The following ACSM3 variants were observed in gnomAD, a reference collection of about 807,000 sequenced individuals.
ACSM3 encodes acyl-coenzyme A synthetase ACSM3, mitochondrial.
A neutral mutation model predicts 74.1 loss-of-function variants in ACSM3; 61 were observed. That is an observed-to-expected ratio of 0.82 (90% confidence interval 0.67 to 1.02). The LOEUF is 1.02. ACSM3 is among the 50% of genes least tolerant of loss of function. The pLI is 0.00. For missense variants in ACSM3, 660 were observed against 697.0 expected (o/e 0.95, Z 0.60); for synonymous variants, 213 against 241.5 (o/e 0.88, Z 1.09).
chr16:20,695,554 G>GTCTATCTA (rs3073746), intron 1 of ACSM3, among the ~76,000 whole-genome samples: 130 of 151,356 alleles, frequency 8.6e-4, no homozygotes, highest in Admixed American at 5.5e-3. Context: ...CTGATTATCT[G>GTCTATCTA]TCTATCTATC....
chr16:20,791,029 C>T lies in ACSM3; in HGVS notation c.1326+341C>T, dbSNP rs547922692. 9 of 1,318,634 alleles carry T rather than the reference C, an allele frequency of 6.8e-6. 1 individual carries two copies. The highest frequency in any genetic ancestry group is 5.9e-5 in the African/African-American group (4 of 67,976). The allele number at this position is 1,318,634 out of a possible 1,614,324, so 81.7% of individuals were successfully genotyped here. On this transcript the variant is annotated intron_variant, in intron 10 of 13. Coordinates refer to ENST00000289416, the MANE Select transcript of ACSM3 (RefSeq NM_005622.4). ...AAATCCAGTTAGTGCTCTTTCTTTT[C>T]GGGAAGAGTGAGAGGGACAGGGGAT...
At chr16:20,690,974 C>A (rs371646055) in intron 1 of ACSM3, 24 of 1,595,620 alleles carry the variant, frequency 1.5e-5, no homozygotes, top group Non-Finnish European at 2.0e-5. Context: ...GTTCTTATAT[C>A]GCCATCACGG....
intron 1 of ACSM3, chr16:20,685,140 C>A: frequency 6.3e-7 from 1 of 1,586,044 alleles, no homozygotes; most frequent in Non-Finnish European, 8.7e-7. Flanking sequence ...TCTCAGGACC[C>A]ATTGGTTCTA....
rs1436023318 is a variant in ACSM3, at chr16:20,781,739, G to A, written c.971G>A (p.Cys324Tyr). 5.6e-6 allele frequency: 9 copies of A among 1,613,544 alleles called. No individual in the cohort carries two copies. Among genetic ancestry groups the A allele is most frequent in the Non-Finnish European group, 7.6e-6 (9 of 1,179,510 alleles). Residue 324 changes from cysteine (C) to tyrosine (Y), a missense_variant, in exon 7 of 14, where the codon TGT (cysteine) becomes TAT (tyrosine). Transcript: ENST00000289416. ...TCCAAGTACCCCATCACAGTCTTCTGTTCAGCACCAACTGTATACCGAATG... is the reference window on the plus strand; with the variant it reads ...TCCAAGTACCCCATCACAGTCTTCTATTCAGCACCAACTGTATACCGAATG... The part of the protein sequence containing the change: ...TLSKYPITVF[C>Y]SAPTVYRMLV...
intron 9 of ACSM3, chr16:20,789,365 C>T (rs369999141): frequency 8.9e-6 from 7 of 784,380 alleles, no homozygotes; most frequent in East Asian, 7.4e-5. Flanking sequence ...AAAGGTTTAG[C>T]ATTAATTACT....
rs563904627 is a variant in ACSM3 at position 20,677,384 on chromosome 16, C to T, written c.-190+2562C>T. Among the ~76,000 whole-genome samples, 20 of 152,286 alleles carry T rather than the reference C, an allele frequency of 1.3e-4. No homozygotes were observed. The South Asian group carries it at 4.1e-3, about 32-fold the overall frequency. ...GGCATCACCCAGTGACATACTTATC[C>T]AGGCAATTAGATTCTGTGGCACTTC... On this transcript the variant is annotated intron_variant, in intron 1 of 3. Coordinates refer to the ACSM3 transcript ENST00000561584.
chr16:20,789,435 A>G, intron 9 of ACSM3: 1 of 1,363,516 alleles, frequency 7.3e-7, no homozygotes, highest in Non-Finnish European at 1.0e-6. Context: ...GGGAATGATG[A>G]GGATTGGAGA....
intron 1 of ACSM3, among the ~76,000 whole-genome samples, chr16:20,691,849 G>A (rs1330049340): frequency 6.6e-6 from 1 of 150,572 alleles, no homozygotes; most frequent in African/African-American, 2.5e-5. Flanking sequence ...CCCTCTGGTG[G>A]AATGCACATT....
chr16:20,710,564 C>T (rs1247654718), intron 1 of ACSM3, among the ~76,000 whole-genome samples: 2 of 151,976 alleles, frequency 1.3e-5, no homozygotes, highest in African/African-American at 2.4e-5. Flanking sequence ...AGGCTGGTCT[C>T]GAAATACTGG....
At position 20,790,152 on chromosome 16, in the gene ACSM3, A is replaced by T. The variant is rs918239210; in HGVS notation, c.1225-435A>T. On this transcript the variant is annotated intron_variant, in intron 9 of 13. Transcript: ENST00000289416. The surrounding 1 kb of genome is among the most constrained non-coding windows in gnomAD (Gnocchi z 4.0). ...TATATTTCTCTTAGGAATTTAAAGTATATTTAAAATATTTTTGGGCCAGGT... is the reference window on the plus strand; with the variant it reads ...TATATTTCTCTTAGGAATTTAAAGTTTATTTAAAATATTTTTGGGCCAGGT... Among the ~76,000 whole-genome samples the T allele has an allele frequency of 6.6e-6, 1 of 152,114 alleles. No individual in the cohort carries two copies. The highest frequency in any genetic ancestry group is 1.9e-4 in the East Asian group (1 of 5,196).
intron 1 of ACSM3, among the ~76,000 whole-genome samples, chr16:20,714,788 GGTGGATA>G (rs2079755429): frequency 6.6e-6 from 1 of 152,114 alleles, no homozygotes; most frequent in Non-Finnish European, 1.5e-5. Flanking sequence ...TCTAGCAGGT[GGTGGATA>G]TATGAGTCTC....
At chr16:20,698,636 G>A (rs1422990862) in intron 1 of ACSM3, among the ~76,000 whole-genome samples, 1 of 152,002 alleles carries the variant, frequency 6.6e-6, no homozygotes, top group Non-Finnish European at 1.5e-5. Context: ...AGCCTCCCAA[G>A]TAGCTGGGAT....
chr16:20,714,735 C>T (rs1047568915), intron 1 of ACSM3, among the ~76,000 whole-genome samples: 3 of 152,084 alleles, frequency 2.0e-5, no homozygotes, highest in Non-Finnish European at 4.4e-5. Flanking sequence ...AATAAGTTTA[C>T]AGTTGGACAT....
chr16:20,714,796 T>C (rs189474582), intron 1 of ACSM3, among the ~76,000 whole-genome samples: 38 of 152,274 alleles, frequency 2.5e-4, no homozygotes, highest in South Asian at 1.5e-3. Context: ...GTGGTGGATA[T>C]ATGAGTCTCA....
At chr16:20,701,531 A>T (rs533802033) in intron 1 of ACSM3, among the ~76,000 whole-genome samples, 26 of 152,314 alleles carry the variant, frequency 1.7e-4, no homozygotes, top group Non-Finnish European at 2.5e-4. Flanking sequence ...GAATCTTTTT[A>T]AAAAAATTTT....
At chr16:20,701,472 C>A (rs1301286261) in intron 1 of ACSM3, among the ~76,000 whole-genome samples, 1 of 152,132 alleles carries the variant, frequency 6.6e-6, no homozygotes, top group Admixed American at 6.5e-5. Context: ...CAAAGGGTGG[C>A]TGTTACAAAT....
chr16:20,745,723 C>A (rs1043815734), intron 1 of ACSM3, among the ~76,000 whole-genome samples: 1 of 152,216 alleles, frequency 6.6e-6, no homozygotes, highest in Non-Finnish European at 1.5e-5. Context: ...GGCCTCACAG[C>A]CAAGCAAGGG....
chr16:20,744,550 A>AC (rs1342635589), intron 1 of ACSM3, among the ~76,000 whole-genome samples: 1 of 151,990 alleles, frequency 6.6e-6, no homozygotes, highest in African/African-American at 2.4e-5. Flanking sequence ...ACGGCCAACT[A>AC]ATTTTTGTAT....
rs2080272896 is a variant in ACSM3, at chr16:20,777,705, T to C, written c.638+125T>C. The C allele has an allele frequency of 2.8e-5, 23 of 833,438 alleles. 1 individual carries two copies. The South Asian group carries it at 4.0e-4, about 15-fold the overall frequency. The allele number at this position is 833,438 out of a possible 1,614,324, so 51.6% of individuals were successfully genotyped here. On this transcript the variant is annotated intron_variant, in intron 4 of 13. Coordinates refer to ENST00000289416, the MANE Select transcript of ACSM3 (RefSeq NM_005622.4). ...AACAGGCAAAGGGAACAGTTGGTAG[T>C]TATTGCTGCACTAATAGTGCTAAAC... is the stretch of plus-strand genomic sequence containing the variant.
Sources: gnomAD v4.1 joint callset for allele counts (sites outside exome capture counted in the v4.1 genomes callset) on GRCh38, gnomAD v4.1.1 for gene constraint, Gnocchi (gnomAD v3.1) non-coding constraint, MANE v1.5 for transcripts, NCBI Gene and HGNC (gene_info 2026-07-23, HGNC 2026-07-21) for gene names.